CBLB: variants seen among roughly 807,000 people sequenced by gnomAD.
CBLB encodes E3 ubiquitin-protein ligase CBL-B.
Under a neutral mutation model 104.9 loss-of-function variants are expected in CBLB, and 31 were observed. The ratio of observed to expected loss-of-function variants is 0.30; its 90% CI spans 0.22 to 0.40. The LOEUF is 0.40. Ranked by LOEUF, CBLB falls within the 10% of genes least tolerant of loss-of-function variation. The pLI, the probability that CBLB is intolerant of heterozygous loss-of-function variation, is 1.00. For synonymous variants in CBLB, 440 were observed against 422.6 expected (o/e 1.04, Z -0.51); for missense variants, 1,062 against 1,214.6 (o/e 0.87, Z 1.87).
intron 3 of CBLB, among the ~76,000 whole-genome samples, chr3:105,828,678 T>C (rs987212140): frequency 3.3e-5 from 5 of 152,202 alleles, no homozygotes; most frequent in Non-Finnish European, 7.3e-5. Flanking sequence ...CTCTTGACCC[T>C]AGGGCAAAAT....
At chr3:105,780,605 T>C (rs931111725) in intron 3 of CBLB, among the ~76,000 whole-genome samples, 7 of 152,050 alleles carry the variant, frequency 4.6e-5, no homozygotes, top group African/African-American at 1.7e-4. Context: ...ATTCATTTTC[T>C]TTGCATGGGA....
At chr3:105,831,961 T>C (rs1167519707) in intron 3 of CBLB, among the ~76,000 whole-genome samples, 1 of 152,144 alleles carries the variant, frequency 6.6e-6, no homozygotes, top group Admixed American at 6.5e-5. Flanking sequence ...ACTGAACAGT[T>C]AAGAAAAGAA....
Position 105,761,158 on chromosome 3 carries a change from T to G in CBLB, c.567-9540A>C, listed in dbSNP as rs563488930. Among the ~76,000 whole-genome samples the G allele has an allele frequency of 1.2e-4, 19 of 152,230 alleles. No homozygotes were observed. The South Asian group carries it at 3.3e-3, about 27-fold the overall frequency. On this transcript the variant is annotated intron_variant, in intron 4 of 18. Transcript: ENST00000394030. ...AGTGATTCTGGTGCCTCAGCCTCGT[T>G]AAGTAGCTGGGATTAAAGTGTGCGC...
chr3:105,759,039 C>T (rs534490450), intron 4 of CBLB, among the ~76,000 whole-genome samples: 13 of 152,126 alleles, frequency 8.5e-5, no homozygotes, highest in Non-Finnish European at 1.6e-4. Context: ...GTTCTTGTCC[C>T]GTGTCCAGGA....
chr3:105,696,600 A>T (rs2068419409), intron 12 of CBLB, among the ~76,000 whole-genome samples: 2 of 151,750 alleles, frequency 1.3e-5, no homozygotes, highest in African/African-American at 4.8e-5. Flanking sequence ...ACTAAGAAAC[A>T]TTTTTTTGTC....
chr3:105,757,798 T>C (rs1246879335), intron 4 of CBLB, among the ~76,000 whole-genome samples: 3 of 152,190 alleles, frequency 2.0e-5, no homozygotes, highest in South Asian at 4.1e-4. Flanking sequence ...TTAAGATCCA[T>C]TGTAGCTCAG....
Position 105,696,817 on chromosome 3 carries a change from G to A in CBLB, c.1960-3229C>T, listed in dbSNP as rs79614190. 4.2e-3 allele frequency among the ~76,000 whole-genome samples: 644 copies of A among 151,856 alleles called. 3 individuals carry two copies. Among genetic ancestry groups the A allele is most frequent in the African/African-American group, 0.015 (629 of 41,476 alleles). On this transcript the variant is annotated intron_variant, in intron 12 of 18. Transcript: ENST00000394030. ...ATTGGTTTTAACTTTCCTTGCCATG[G>A]TCTTACCTCACCTGCCTACTCTTTT... is the stretch of plus-strand genomic sequence containing the variant.
chr3:105,830,981 G>A (rs1046157504), intron 3 of CBLB, among the ~76,000 whole-genome samples: 5 of 152,140 alleles, frequency 3.3e-5, no homozygotes, highest in African/African-American at 4.8e-5. Flanking sequence ...GAGGAGACAC[G>A]GCTGACATGA....
chr3:105,712,235 C>A (rs1469498724), intron 10 of CBLB, among the ~76,000 whole-genome samples: 4 of 152,066 alleles, frequency 2.6e-5, no homozygotes, highest in African/African-American at 9.7e-5. Flanking sequence ...TATCCTGATC[C>A]AAATATATGT....
At chr3:105,669,076 C>CCATCCATT (rs2064787939) in intron 18 of CBLB, among the ~76,000 whole-genome samples, 1 of 151,740 alleles carries the variant, frequency 6.6e-6, no homozygotes, top group Non-Finnish European at 1.5e-5. Flanking sequence ...ATCCATCCAT[C>CCATCCATT]CATCCATCCA....
chr3:105,819,379 C>T (rs1303748674), intron 3 of CBLB, among the ~76,000 whole-genome samples: 1 of 151,726 alleles, frequency 6.6e-6, no homozygotes, highest in East Asian at 1.9e-4. Context: ...CTCAGCTACT[C>T]AGGAGGCTGA....
intron 3 of CBLB, among the ~76,000 whole-genome samples, chr3:105,794,996 A>G (rs981208934): frequency 6.6e-6 from 1 of 151,670 alleles, no homozygotes; most frequent in Non-Finnish European, 1.5e-5. Context: ...GCTCACTGCA[A>G]TCTGTCTCCC....
intron 16 of CBLB, among the ~76,000 whole-genome samples, chr3:105,679,941 C>G (rs2152723896): frequency 6.6e-6 from 1 of 152,122 alleles, no homozygotes; most frequent in South Asian, 2.1e-4. Context: ...TTATTCAAAT[C>G]TTTTTTCAGC....
intron 9 of CBLB, among the ~76,000 whole-genome samples, chr3:105,723,597 T>C (rs1182061646): frequency 4.6e-5 from 7 of 152,226 alleles, no homozygotes; most frequent in East Asian, 1.9e-4. Flanking sequence ...ATAATTAACA[T>C]TGACAAACAA....
intron 3 of CBLB, among the ~76,000 whole-genome samples, chr3:105,841,907 A>C (rs13101076): frequency 0.015 from 2,282 of 152,270 alleles, 32 homozygotes; most frequent in Admixed American, 0.029. Context: ...TAGGTCTCCC[A>C]CATTTTTTCA....
chr3:105,741,199 T>G lies in CBLB; in HGVS notation c.846-568A>C, dbSNP rs987706127. Among the ~76,000 whole-genome samples, 4 of 151,200 alleles carry G rather than the reference T, an allele frequency of 2.6e-5. No individual in the cohort carries two copies. In the South Asian group the frequency reaches 8.4e-4, roughly 32 times the overall value. On this transcript the variant is annotated intron_variant, in intron 6 of 18. Coordinates refer to ENST00000394030, the MANE Select transcript of CBLB (RefSeq NM_170662.5). ...TTAGACATTAAAATTAGTTTGTTTG[T>G]TTTTTTTGAGACGCAGTCTCACTCT... is the stretch of plus-strand genomic sequence containing the variant.
chr3:105,664,001 A>G (rs1221250297), intron 18 of CBLB, among the ~76,000 whole-genome samples: 1 of 151,518 alleles, frequency 6.6e-6, no homozygotes, highest in Non-Finnish European at 1.5e-5. Context: ...ACCTCCATTT[A>G]AAGAACTGAG....
intron 10 of CBLB, among the ~76,000 whole-genome samples, chr3:105,716,865 G>A (rs953373938): frequency 6.6e-6 from 1 of 152,026 alleles, no homozygotes; most frequent in Non-Finnish European, 1.5e-5. Flanking sequence ...ACTCTTTGTG[G>A]GGTAAAAAAC....
At chr3:105,771,404 T>C (rs2078859368) in intron 4 of CBLB, among the ~76,000 whole-genome samples, 2 of 152,154 alleles carry the variant, frequency 1.3e-5, no homozygotes, top group Non-Finnish European at 2.9e-5. Flanking sequence ...AAGCCATATA[T>C]GTCAAATCTA....
Sources: gnomAD v4.1 joint callset for allele counts (sites outside exome capture counted in the v4.1 genomes callset) on GRCh38, gnomAD v4.1.1 for gene constraint, MANE v1.5 for transcripts, NCBI Gene and HGNC (gene_info 2026-07-23, HGNC 2026-07-21) for gene names.